The following CDH3 variants were observed in gnomAD, a reference collection of about 807,000 sequenced individuals.
CDH3 encodes cadherin 3.
CDH3 carries 54 observed loss-of-function variants against 82.0 expected under a neutral mutation model. The observed-to-expected ratio is 0.66, with a 90% CI of 0.53 to 0.83. CDH3 has a LOEUF of 0.83. Ranked by LOEUF, CDH3 falls within the 40% of genes least tolerant of loss-of-function variation. The pLI is 0.00. For missense variants in CDH3, 1,054 were observed against 1,084.6 expected, an observed-to-expected ratio of 0.97 and a Z score of 0.40; for synonymous variants, 446 against 437.9, an observed-to-expected ratio of 1.02 and a Z score of -0.23.
At chr16:68,657,375 A>G (rs1442805846) in intron 2 of CDH3, among the ~76,000 whole-genome samples, 1 of 152,140 alleles carries the variant, frequency 6.6e-6, no homozygotes, top group Non-Finnish European at 1.5e-5. Context: ...TTAGCCGGGC[A>G]TGGTGGCGTG....
rs146134221 is a variant in CDH3 at position 68,723,385 on chromosome 16, C to T, written c.*45+769C>T. ...AAAGCAATAAACAGCATCATGATTCCGTAAACACCCCTTGCTTGAGAACTC... is the reference window on the plus strand; with the variant it reads ...AAAGCAATAAACAGCATCATGATTCTGTAAACACCCCTTGCTTGAGAACTC... On this transcript the variant is annotated intron_variant, in intron 2 of 2. Transcript: ENST00000569080. Among the ~76,000 whole-genome samples, 1,440 of 152,138 alleles carry T rather than the reference C, an allele frequency of 9.5e-3. 29 individuals are homozygous for T. The highest frequency in any genetic ancestry group is 0.033 in the African/African-American group (1,360 of 41,504).
intron 13 of CDH3, among the ~76,000 whole-genome samples, chr16:68,692,836 G>A (rs1373106124): frequency 2.0e-5 from 3 of 152,202 alleles, no homozygotes; most frequent in Non-Finnish European, 1.5e-5. Context: ...TGGGCGCAGT[G>A]GCTCACACTT....
chr16:68,650,903 C>G (rs1960223415), intron 2 of CDH3, among the ~76,000 whole-genome samples: 1 of 149,690 alleles, frequency 6.7e-6, no homozygotes, highest in Non-Finnish European at 1.5e-5. Context: ...ACGCCACTCA[C>G]AGACCCTCAG....
chr16:68,646,918 G>T (rs1261453277), intron 2 of CDH3, among the ~76,000 whole-genome samples: 1 of 152,090 alleles, frequency 6.6e-6, no homozygotes, highest in Non-Finnish European at 1.5e-5. Context: ...GGACAGAGTG[G>T]CTCTCTTTTA....
chr16:68,697,324 T>TAAA (rs36004703), intron 15 of CDH3, among the ~76,000 whole-genome samples: 1 of 146,712 alleles, frequency 6.8e-6, no homozygotes. Flanking sequence ...ATTCCATCTT[T>TAAA]AAAAAAAAAA....
intron 7 of CDH3, among the ~76,000 whole-genome samples, 182 bp from the exon 8 acceptor site, chr16:68,680,786 C>T (rs1291394525): frequency 6.6e-6 from 1 of 152,186 alleles, no homozygotes; most frequent in African/African-American, 2.4e-5. Context: ...GTTCCCTCTC[C>T]AACAGCATCC....
In CDH3 at chr16:68,684,665, C is replaced by T; in HGVS notation, c.1265C>T (p.Thr422Ile). ...NEAPFVLKLP[T>I]STATIVVHVE... ...GCCCCTTTTGTGCTGAAGCTCCCAA[C>T]CTCCACAGCCACCATAGTGGTCCAC... Residue 422 changes from threonine (T) to isoleucine (I), a missense_variant, in exon 10 of 16, where the codon ACC (threonine) becomes ATC (isoleucine). Transcript: ENST00000264012. The T allele has an allele frequency of 6.2e-7, 1 of 1,614,224 alleles. No homozygotes were observed. The highest frequency in any genetic ancestry group is 8.5e-7 in the Non-Finnish European group (1 of 1,180,032).
Position 68,646,002 on chromosome 16 carries a change from C to T in CDH3, c.160+252C>T, listed in dbSNP as rs1215603762. The T allele has an allele frequency of 3.0e-5, 16 of 533,182 alleles. No individual in the cohort carries two copies. In the Admixed American group the frequency reaches 5.3e-4, roughly 18 times the overall value. 33.0% of individuals were successfully genotyped at this position (533,182 alleles called of 1,614,324 possible). On this transcript the variant is annotated intron_variant, in intron 2 of 15. Transcript: ENST00000264012. ...TACCTTGACCCCCTCCTCCGAGATG[C>T]CGGATGGCTGAGCCCCTCACCCAGT...
intron 1 of CDH3, among the ~76,000 whole-genome samples, chr16:68,709,431 C>CGTT (rs1416099289): frequency 6.6e-6 from 1 of 152,026 alleles, no homozygotes. Flanking sequence ...CAAAAGGTGA[C>CGTT]CGGAGAAGGG....
Position 68,695,901 on chromosome 16 carries a change from A to G in CDH3, c.2258A>G (p.Glu753Gly). ...MYRPRPANPD[E>G]IGNFIIENLK... ...CGTCCTCGGCCAGCCAACCCAGATG[A>G]AATCGGCAACTTTATAATTGAGGTG... is the stretch of plus-strand genomic sequence containing the variant. The change falls in exon 15 of 16, where the codon GAA becomes GGA. Residue 753 changes from glutamate to glycine, a missense_variant. Physicochemically the swap from Glu to Gly is moderately conservative, Grantham distance 98. Transcript: ENST00000264012. The G allele has an allele frequency of 6.2e-7, 1 of 1,614,142 alleles. No individual in the cohort carries two copies. Among genetic ancestry groups the G allele is most frequent in the Non-Finnish European group, 8.5e-7 (1 of 1,180,022 alleles).
chr16:68,723,862 G>T (rs1294965766), intron 2 of CDH3, among the ~76,000 whole-genome samples: 1 of 152,210 alleles, frequency 6.6e-6, no homozygotes, highest in Non-Finnish European at 1.5e-5. Context: ...AAGGTCAGGA[G>T]ATCGAGACCA....
At chr16:68,718,356 G>A (rs778517245) in intron 1 of CDH3, among the ~76,000 whole-genome samples, 26 of 151,844 alleles carry the variant, frequency 1.7e-4, no homozygotes, top group Non-Finnish European at 2.9e-4. Context: ...TTATAGCAAC[G>A]TAAAACAGAC....
chr16:68,722,772 C>T (rs1209365177), intron 2 of CDH3, among the ~76,000 whole-genome samples: 1 of 151,974 alleles, frequency 6.6e-6, no homozygotes, highest in Non-Finnish European at 1.5e-5. Flanking sequence ...GGGAGTGGGA[C>T]CTTCAACACA....
Position 68,678,625 on chromosome 16 carries a change from C to A in CDH3, c.515C>A (p.Pro172Gln), listed in dbSNP as rs1415911025. The stretch of plus-strand genomic sequence containing the variant: ...ACAGGCTGGTTGTTGTTGAATAAGC[C>A]ACTGGACCGGGAGGAGATTGCCAAG... ...KETGWLLLNK[P>Q]LDREEIAKYE... The change falls in exon 5 of 16, where the codon CCA becomes CAA. Residue 172 changes from proline (P) to glutamine (Q), a missense_variant. Physicochemically the swap from Pro to Gln is moderately conservative, Grantham distance 76 (BLOSUM62 -1). Coordinates refer to ENST00000264012, the MANE Select transcript of CDH3 (RefSeq NM_001793.6). 6.2e-7 allele frequency: 1 copy of A among 1,614,198 alleles called. No homozygotes were observed. Among genetic ancestry groups the A allele is most frequent in the Admixed American group, 1.7e-5 (1 of 60,028 alleles).
Position 68,707,899 on chromosome 16 carries a change from A to G in CDH3, c.99+11976A>G, listed in dbSNP as rs1038762669. 6.6e-6 allele frequency among the ~76,000 whole-genome samples: 1 copy of G among 151,988 alleles called. No homozygotes were observed. Among genetic ancestry groups the G allele is most frequent in the African/African-American group, 2.4e-5 (1 of 41,382 alleles). On this transcript the variant is annotated intron_variant, in intron 1 of 2. Coordinates refer to the CDH3 transcript ENST00000569080. The surrounding 1 kb of genome is among the most constrained non-coding windows in gnomAD (Gnocchi z 4.5). Reference sequence around the variant, plus strand: ...GTCAGGAATGCCTGGGCTCCGTTCCAACTTCTGTCCCCACTGTTGTCCATC... The same window carrying G: ...GTCAGGAATGCCTGGGCTCCGTTCCGACTTCTGTCCCCACTGTTGTCCATC...
chr16:68,680,285 A>G (rs1334755582), intron 7 of CDH3, among the ~76,000 whole-genome samples: 7 of 152,168 alleles, frequency 4.6e-5, no homozygotes, highest in Non-Finnish European at 2.9e-5. Flanking sequence ...ACATTACCCA[A>G]ATTGGTCCCT....
chr16:68,683,865 C>A (rs146972926), intron 9 of CDH3, among the ~76,000 whole-genome samples: 1 of 151,008 alleles, frequency 6.6e-6, no homozygotes, highest in Admixed American at 6.6e-5. Context: ...GTTGGGAGTT[C>A]GAGACCAGCC....
At chr16:68,696,015 C>T (rs1961711919) in intron 15 of CDH3, 92 bp downstream of exon 15, 2 of 1,412,330 alleles carry the variant, frequency 1.4e-6, no homozygotes, top group East Asian at 4.8e-5. Context: ...AGTCTTGGGT[C>T]TGGGTTCAAA....
intron 1 of CDH3, among the ~76,000 whole-genome samples, chr16:68,710,351 C>T (rs960914031): frequency 3.9e-5 from 6 of 152,360 alleles, no homozygotes; most frequent in Middle Eastern, 3.4e-3. Flanking sequence ...CCCAGCTGGT[C>T]ACCCTAACCG....
Sources: gnomAD v4.1 joint callset for allele counts (sites outside exome capture counted in the v4.1 genomes callset) on GRCh38, gnomAD v4.1.1 for gene constraint, Gnocchi (gnomAD v3.1) non-coding constraint, MANE v1.5 for transcripts, NCBI Gene and HGNC (gene_info 2026-07-23, HGNC 2026-07-21) for gene names.